PLCH1: variants seen among roughly 807,000 people sequenced by gnomAD.
PLCH1 encodes phospholipase C eta 1.
Under a neutral mutation model 126.7 loss-of-function variants are expected in PLCH1, and 60 were observed. The ratio of observed to expected loss-of-function variants is 0.47; its 90% CI spans 0.38 to 0.59. PLCH1 has a LOEUF of 0.59. Among genes scored for constraint, PLCH1 ranks in the 20% least tolerant of loss-of-function variants. The pLI is 0.00. For synonymous variants in PLCH1, 719 were observed against 734.9 expected (o/e 0.98, Z 0.35); for missense variants, 1,723 against 2,040.0 (o/e 0.84, Z 2.99).
intron 1 of PLCH1, among the ~76,000 whole-genome samples, chr3:155,704,971 A>C (rs1746549048): frequency 1.3e-5 from 2 of 152,342 alleles, no homozygotes; most frequent in South Asian, 2.1e-4. Context: ...GAGTCGATGA[A>C]TTAAATTCCT....
chr3:155,673,389 G>A (rs753885036), intron 2 of PLCH1, among the ~76,000 whole-genome samples: 32 of 152,184 alleles, frequency 2.1e-4, no homozygotes, highest in Middle Eastern at 6.8e-3. Flanking sequence ...GCACCTTGTA[G>A]ATAAAGCACA....
At position 155,471,633 on chromosome 3, in the gene PLCH1, A is replaced by C. The variant is rs1713253698; in HGVS notation, c.2938+13723T>G. Among the ~76,000 whole-genome samples, 2 of 146,910 alleles carry C rather than the reference A, an allele frequency of 1.4e-5. 1 individual carries two copies. Among genetic ancestry groups the C allele is most frequent in the South Asian group, 4.6e-4 (2 of 4,390 alleles). On this transcript the variant is annotated intron_variant, in intron 21 of 21. Coordinates refer to the PLCH1 transcript ENST00000494598. ...AATCAACAGAATATACATTTTTTTC[A>C]GCACCACACCACACCTATTCCAAAA... is the stretch of plus-strand genomic sequence containing the variant.
intron 10 of PLCH1, 56 bp from the exon 11 acceptor site, chr3:155,524,060 A>G (rs1423802492): frequency 9.8e-7 from 1 of 1,018,884 alleles, no homozygotes; most frequent in African/African-American, 1.6e-5. Context: ...CAATAGCCAA[A>G]AGGTGGAAGT....
At chr3:155,478,233 A>AC (rs1213827969), downstream of PLCH1, among the ~76,000 whole-genome samples, 1 of 152,174 alleles carries the variant, frequency 6.6e-6, no homozygotes, top group Non-Finnish European at 1.5e-5. Flanking sequence ...TAGGATAGTT[A>AC]CATAGGCTGG....
At chr3:155,524,915 G>A (rs556377295) in intron 10 of PLCH1, among the ~76,000 whole-genome samples, 2 of 152,282 alleles carry the variant, frequency 1.3e-5, no homozygotes, top group African/African-American at 2.4e-5. Flanking sequence ...TACACAGGAG[G>A]TTGAGGCAGG....
chr3:155,688,574 A>G (rs1476761492), intron 2 of PLCH1, among the ~76,000 whole-genome samples: 9 of 152,214 alleles, frequency 5.9e-5, no homozygotes, highest in African/African-American at 1.9e-4. Context: ...AGTGGGGTAG[A>G]GCAAAAACCA....
chr3:155,483,518 A>T, intron 22 of PLCH1: 1 of 448,638 alleles, frequency 2.2e-6, no homozygotes, highest in East Asian at 3.5e-5. Flanking sequence ...GAAGAAAAAC[A>T]TAATAATATC....
chr3:155,681,055 A>G (rs189992979), intron 2 of PLCH1, among the ~76,000 whole-genome samples: 5 of 152,340 alleles, frequency 3.3e-5, no homozygotes, highest in Admixed American at 6.5e-5. Flanking sequence ...TAAATCCTAT[A>G]AAAACATATG....
intron 10 of PLCH1, 53 bp downstream of exon 10, chr3:155,549,734 G>A: frequency 2.4e-6 from 3 of 1,235,202 alleles, no homozygotes; most frequent in Non-Finnish European, 3.5e-6. Context: ...TTTAAGGGAG[G>A]GCAGGCTTAG....
intron 2 of PLCH1, among the ~76,000 whole-genome samples, chr3:155,621,303 G>C (rs1736463515): frequency 6.6e-6 from 1 of 152,152 alleles, no homozygotes; most frequent in Non-Finnish European, 1.5e-5. Context: ...ATGAACAGGG[G>C]GAGAAACCAG....
intron 1 of PLCH1, among the ~76,000 whole-genome samples, chr3:155,725,369 C>T (rs928564064): frequency 2.0e-5 from 3 of 152,014 alleles, no homozygotes; most frequent in African/African-American, 7.2e-5. Context: ...GTCAAAATTG[C>T]CAGCTTCTTT....
chr3:155,698,890 G>T (rs1746036357), intron 2 of PLCH1, among the ~76,000 whole-genome samples: 1 of 151,946 alleles, frequency 6.6e-6, no homozygotes, highest in Admixed American at 6.6e-5. Context: ...GCCAATAAAA[G>T]AAATCTACCT....
intron 21 of PLCH1, among the ~76,000 whole-genome samples, chr3:155,458,408 A>T (rs1210409217): frequency 1.8e-5 from 1 of 54,624 alleles, no homozygotes; most frequent in Non-Finnish European, 3.4e-5. Flanking sequence ...GAAGGAAGGA[A>T]GGAAGGAAGG....
Position 155,583,636 on chromosome 3 carries a change from C to A in PLCH1, c.607G>T (p.Asp203Tyr), listed in dbSNP as rs143246976. 2 of 1,560,534 alleles carry A rather than the reference C, an allele frequency of 1.3e-6. No individual in the cohort carries two copies. The highest frequency in any genetic ancestry group is 1.2e-5 in the South Asian group (1 of 81,568). ...AAAGTTCCCTGATTCTCATCTGTGT[C>A]GGCTTCCTGAAAAGGGCATAGAGAA... is the stretch of plus-strand genomic sequence containing the variant. ...RKVRQMFQEADTDENQGTLTF... is the reference protein window; with the variant it reads ...RKVRQMFQEAYTDENQGTLTF... The change falls in exon 6 of 23, where the codon GAC (aspartate) becomes TAC (tyrosine). Residue 203 changes from aspartate (D) to tyrosine (Y), a missense_variant. Physicochemically the swap from Asp to Tyr is radical, Grantham distance 160. This residue lies in a region of PLCH1 where 776 missense variants were observed against 1,062.9 expected (regional missense o/e 0.73). Transcript: ENST00000460012.
chr3:155,521,623 T>C (rs1289852053), intron 11 of PLCH1, among the ~76,000 whole-genome samples: 2 of 152,234 alleles, frequency 1.3e-5, no homozygotes, highest in African/African-American at 2.4e-5. Flanking sequence ...TGATCAGATA[T>C]TCAGTTTCTC....
chr3:155,744,415 A>T (rs958105271), intron 1 of PLCH1, among the ~76,000 whole-genome samples: 1 of 151,958 alleles, frequency 6.6e-6, no homozygotes, highest in African/African-American at 2.4e-5. Flanking sequence ...CGGACGCTGC[A>T]CTCCCCTTGC....
Position 155,523,921 on chromosome 3 carries a change from G to A in PLCH1, c.1446C>T (p.Asp482=), listed in dbSNP as rs781232943. ...SDEDSADEIE[D]ECKFKLHYSN... ...CATAATGGAGCTTGAATTTGCACTC[G>A]TCTTCAATTTCATCTGCACTGTCCT... Residue 482 remains aspartate, a synonymous_variant, in exon 11 of 23, where the codon GAC becomes GAT. Transcript: ENST00000460012. 28 of 1,600,558 alleles carry A rather than the reference G, an allele frequency of 1.7e-5. No individual in the cohort carries two copies. The Middle Eastern group carries it at 2.2e-3, about 123-fold the overall frequency.
intron 2 of PLCH1, among the ~76,000 whole-genome samples, chr3:155,637,978 A>G (rs531992932): frequency 6.6e-6 from 1 of 152,326 alleles, no homozygotes; most frequent in Admixed American, 6.5e-5. Context: ...AACAGTTAGG[A>G]AGACAGTTTG....
chr3:155,620,004 A>G (rs931600557), intron 2 of PLCH1, among the ~76,000 whole-genome samples: 3 of 152,248 alleles, frequency 2.0e-5, no homozygotes, highest in Admixed American at 1.3e-4. Flanking sequence ...ATTAAATAAC[A>G]TAAACATTGC....
Sources: gnomAD v4.1 joint callset for allele counts (sites outside exome capture counted in the v4.1 genomes callset) on GRCh38, gnomAD v4.1.1 for gene constraint, gnomAD v4.1.1 regional missense constraint, MANE v1.5 for transcripts, NCBI Gene and HGNC (gene_info 2026-07-23, HGNC 2026-07-21) for gene names.